The following LSAMP variants were observed in gnomAD, a reference collection of about 807,000 sequenced individuals.
The protein encoded by LSAMP is limbic system associated membrane protein.
Under a neutral mutation model 38.6 loss-of-function variants are expected in LSAMP, and 7 were observed. The ratio of observed to expected loss-of-function variants is 0.18; its 90% CI spans 0.10 to 0.34. The LOEUF is 0.34. Among genes scored for constraint, LSAMP ranks in the 10% least tolerant of loss-of-function variants. The pLI, the probability that LSAMP is intolerant of heterozygous loss-of-function variation, is 1.00. For missense variants in LSAMP, 313 were observed against 420.0 expected (o/e 0.75, Z 2.23); for synonymous variants, 154 against 166.8 (o/e 0.92, Z 0.59).
In LSAMP at chr3:115,841,926, C is replaced by T. The variant is rs781551096; in HGVS notation, c.838G>A (p.Val280Ile). The T allele has an allele frequency of 1.2e-5, 20 of 1,613,786 alleles. No homozygotes were observed. The highest frequency in any genetic ancestry group is 3.3e-5 in the South Asian group (3 of 91,060). Reference protein sequence around the residue: ...EGQSSLTVTNVTEEHYGNYTC... With the variant: ...EGQSSLTVTNITEEHYGNYTC... The stretch of plus-strand genomic sequence containing the variant: ...TAGTTGCCGTAGTGCTCCTCAGTGA[C>T]GTTGGTCACCGTCAGGGAAGACTGG... The change falls in exon 6 of 7, where the codon GTC becomes ATC. Residue 280 changes from valine to isoleucine, a missense_variant. Transcript: ENST00000490035.
chr3:116,419,796 C>T (rs561195864), intron 1 of LSAMP, among the ~76,000 whole-genome samples: 2 of 152,218 alleles, frequency 1.3e-5, no homozygotes, highest in African/African-American at 4.8e-5. Flanking sequence ...ATGTGTATAA[C>T]TCTGAGTATT....
intron 1 of LSAMP, among the ~76,000 whole-genome samples, chr3:116,147,842 A>G (rs998717823): frequency 6.6e-5 from 10 of 151,924 alleles, no homozygotes; most frequent in Non-Finnish European, 1.2e-4. Context: ...ATCTTTTGCA[A>G]TCTTGAAATC....
rs909212909 is a variant in LSAMP at position 116,445,444 on chromosome 3, C to T, written c.-413G>A. On this transcript the variant is annotated 5_prime_UTR_variant, in exon 1 of 7. Transcript: ENST00000490035. ...CTGGCGGGCGGGCGGGCGAGGGAGC[C>T]GGCACCAAGCCTGCCAGTGAGTGTA... 2 of 445,582 alleles carry T rather than the reference C, an allele frequency of 4.5e-6. No individual in the cohort carries two copies. The highest frequency in any genetic ancestry group is 7.8e-6 in the Non-Finnish European group (2 of 255,160). The allele number at this position is 445,582 out of a possible 1,614,324, so 27.6% of individuals were successfully genotyped here.
rs530596957 is a variant in LSAMP, at chr3:115,868,428, G to C, written c.515-15811C>G. On this transcript the variant is annotated intron_variant, in intron 3 of 6. Transcript: ENST00000490035. ...TCTCTCCATCAAGTTGTCAAAACAG[G>C]AATATTATAAAGCAACTTAAGGATG... 1.4e-4 allele frequency among the ~76,000 whole-genome samples: 22 copies of C among 152,180 alleles called. No homozygotes were observed. In the South Asian group the frequency reaches 2.1e-3, roughly 14 times the overall value.
At chr3:116,374,274 T>C (rs1232830422) in intron 1 of LSAMP, among the ~76,000 whole-genome samples, 1 of 151,936 alleles carries the variant, frequency 6.6e-6, no homozygotes, top group East Asian at 1.9e-4. Flanking sequence ...CACATTCAGT[T>C]GTAATACAAG....
chr3:116,206,808 A>G (rs1427171454), intron 1 of LSAMP, among the ~76,000 whole-genome samples: 1 of 151,272 alleles, frequency 6.6e-6, no homozygotes, highest in African/African-American at 2.4e-5. Context: ...TTTGCTGAGG[A>G]GAGCTTTACT....
chr3:116,154,536 C>A (rs1265548487), intron 1 of LSAMP, among the ~76,000 whole-genome samples: 1 of 152,136 alleles, frequency 6.6e-6, no homozygotes, highest in Non-Finnish European at 1.5e-5. Flanking sequence ...TGCTCTAAGA[C>A]TTTACTGGGT....
chr3:116,337,639 C>CA (rs2047938315), intron 1 of LSAMP, among the ~76,000 whole-genome samples: 1 of 152,024 alleles, frequency 6.6e-6, no homozygotes, highest in African/African-American at 2.4e-5. Context: ...AACCACTTAA[C>CA]AACATCAAAC....
chr3:116,309,146 T>C (rs1167757040), intron 1 of LSAMP, among the ~76,000 whole-genome samples: 1 of 152,096 alleles, frequency 6.6e-6, no homozygotes, highest in East Asian at 1.9e-4. Context: ...TATTCTTTGT[T>C]CTATTTATAA....
At chr3:116,198,698 G>A (rs1425426955) in intron 1 of LSAMP, among the ~76,000 whole-genome samples, 2 of 149,170 alleles carry the variant, frequency 1.3e-5, no homozygotes, top group Non-Finnish European at 3.0e-5. Context: ...GTGAACTCGG[G>A]AGGCGCAGCT....
intron 1 of LSAMP, among the ~76,000 whole-genome samples, chr3:116,209,173 C>A (rs2046116525): frequency 6.6e-6 from 1 of 152,176 alleles, no homozygotes. Context: ...CCAGGTGAGT[C>A]CGTCACCCCT....
chr3:116,332,635 GT>G (rs2047865861), intron 1 of LSAMP, among the ~76,000 whole-genome samples: 1 of 152,116 alleles, frequency 6.6e-6, no homozygotes, highest in Admixed American at 6.5e-5. Flanking sequence ...AAGTAAATCT[GT>G]TCCTATCTGT....
At chr3:116,089,350 A>C (rs557720695) in intron 1 of LSAMP, among the ~76,000 whole-genome samples, 1 of 152,152 alleles carries the variant, frequency 6.6e-6, no homozygotes, top group East Asian at 1.9e-4. Flanking sequence ...ATACACATAT[A>C]CTTTTTTTTG....
At chr3:116,396,695 A>G (rs2048772263) in intron 1 of LSAMP, among the ~76,000 whole-genome samples, 1 of 152,160 alleles carries the variant, frequency 6.6e-6, no homozygotes, top group African/African-American at 2.4e-5. Flanking sequence ...TGGACTCTAG[A>G]CTTGTTTGTC....
At chr3:115,876,208 A>T (rs1205983834) in intron 3 of LSAMP, among the ~76,000 whole-genome samples, 6 of 151,044 alleles carry the variant, frequency 4.0e-5, no homozygotes, top group Non-Finnish European at 5.9e-5. Context: ...TTACTCAGTA[A>T]TGCCTGCAGT....
chr3:115,891,540 T>C (rs1343069408), intron 3 of LSAMP, among the ~76,000 whole-genome samples: 3 of 152,030 alleles, frequency 2.0e-5, no homozygotes, highest in Non-Finnish European at 4.4e-5. Context: ...TGCTGACACA[T>C]GAGCAATATG....
chr3:116,291,552 T>C (rs1317779405), intron 1 of LSAMP, among the ~76,000 whole-genome samples: 1 of 152,246 alleles, frequency 6.6e-6, no homozygotes. Flanking sequence ...TAATTATTAG[T>C]TGGCTTCAAC....
chr3:116,303,335 C>A (rs1057306687), intron 1 of LSAMP, among the ~76,000 whole-genome samples: 3 of 152,148 alleles, frequency 2.0e-5, no homozygotes, highest in Non-Finnish European at 4.4e-5. Context: ...TTGCTTACTT[C>A]GGATTGTAAA....
intron 1 of LSAMP, among the ~76,000 whole-genome samples, chr3:116,095,655 G>T (rs570622433): frequency 1.1e-4 from 16 of 152,300 alleles, no homozygotes; most frequent in Non-Finnish European, 1.9e-4. Context: ...GATAAGTATT[G>T]AGACTGAGAC....
Sources: allele counts gnomAD v4.1 joint callset (sites outside exome capture counted in the v4.1 genomes callset), GRCh38; gene constraint gnomAD v4.1.1; transcripts MANE v1.5; gene names NCBI Gene and HGNC (gene_info 2026-07-23, HGNC 2026-07-21).